The following PRKN variants were observed in gnomAD, a reference collection of about 807,000 sequenced individuals.
PRKN encodes the protein E3 ubiquitin-protein ligase parkin.
A neutral mutation model predicts 59.5 loss-of-function variants in PRKN; 56 were observed. The observed-to-expected ratio is 0.94, with a 90% CI of 0.76 to 1.18. The LOEUF (loss-of-function observed/expected upper bound fraction) is 1.18, where lower values mean the gene tolerates loss of function less well. Among genes scored for constraint, PRKN ranks in the 50% most tolerant of loss-of-function variants. PRKN has a pLI of 0.00. For missense variants in PRKN, 657 were observed against 596.4 expected (o/e 1.10, Z -1.06); for synonymous variants, 250 against 222.1 (o/e 1.13, Z -1.12).
chr6:162,219,797 T>C (rs897839623), intron 3 of PRKN, among the ~76,000 whole-genome samples: 2 of 152,118 alleles, frequency 1.3e-5, no homozygotes, highest in South Asian at 2.1e-4. Flanking sequence ...ATAGGGCTAA[T>C]AGTATTTGCC....
At chr6:161,798,602 A>G (rs1460311804) in intron 6 of PRKN, among the ~76,000 whole-genome samples, 5 of 152,232 alleles carry the variant, frequency 3.3e-5, no homozygotes, top group Non-Finnish European at 7.3e-5. Flanking sequence ...GAATTAATGC[A>G]TATGCTGCAA....
At chr6:161,849,811 C>T (rs567246782) in intron 6 of PRKN, among the ~76,000 whole-genome samples, 4 of 152,250 alleles carry the variant, frequency 2.6e-5, no homozygotes, top group South Asian at 2.1e-4. Flanking sequence ...AAATCTGAGG[C>T]GGGTGAGAGA....
At chr6:162,410,367 A>T (rs1212376289) in intron 2 of PRKN, among the ~76,000 whole-genome samples, 2 of 152,130 alleles carry the variant, frequency 1.3e-5, no homozygotes, top group Non-Finnish European at 2.9e-5. Flanking sequence ...CAGACCTAAA[A>T]GCATATCCAA....
intron 1 of PRKN, among the ~76,000 whole-genome samples, chr6:162,622,573 G>A (rs191808365): frequency 3.4e-4 from 52 of 152,136 alleles, no homozygotes; most frequent in African/African-American, 1.2e-3. Flanking sequence ...TTCTGGTATC[G>A]GTTGCCCTTT....
At chr6:161,858,477 CACTAGGCTTGGAGAA>C (rs1418328404) in intron 6 of PRKN, among the ~76,000 whole-genome samples, 2 of 152,238 alleles carry the variant, frequency 1.3e-5, no homozygotes. Context: ...CTGGACCTGC[CACTAGGCTTGGAGAA>C]GCTCTGATGT....
chr6:162,017,899 C>CGA (rs112082203), intron 5 of PRKN, among the ~76,000 whole-genome samples: 44,797 of 151,968 alleles, frequency 0.29, 6,986 homozygotes, highest in African/African-American at 0.4. Context: ...AAAGAAACCC[C>CGA]GAGAGAGCCT....
chr6:162,131,473 G>A (rs376157464), intron 4 of PRKN, among the ~76,000 whole-genome samples: 14 of 152,270 alleles, frequency 9.2e-5, no homozygotes, highest in African/African-American at 3.1e-4. Context: ...TTAGTAACTC[G>A]ATTTCCCCTA....
At chr6:162,450,341 G>A (rs1314601642) in intron 1 of PRKN, among the ~76,000 whole-genome samples, 8 of 93,054 alleles carry the variant, frequency 8.6e-5, no homozygotes, top group Admixed American at 2.2e-4. Flanking sequence ...CCCTGTGATT[G>A]TAATCCCCCT....
chr6:162,254,105 G>A (rs1299027033), intron 3 of PRKN, among the ~76,000 whole-genome samples: 3 of 152,134 alleles, frequency 2.0e-5, no homozygotes, highest in Non-Finnish European at 4.4e-5. Flanking sequence ...CTTTCTTCTT[G>A]CAGCTAAGGA....
intron 5 of PRKN, among the ~76,000 whole-genome samples, chr6:162,026,127 AG>A (rs1222241075): frequency 1.3e-5 from 2 of 151,280 alleles, no homozygotes; most frequent in Non-Finnish European, 3.0e-5. Context: ...TTCATTTCTT[AG>A]TTCTTTCAGT....
At chr6:162,380,478 T>G (rs1236291949) in intron 2 of PRKN, among the ~76,000 whole-genome samples, 3 of 38,320 alleles carry the variant, frequency 7.8e-5, no homozygotes, top group Non-Finnish European at 1.7e-4. Context: ...TGTGTGTATA[T>G]ATATGTATAT....
intron 1 of PRKN, among the ~76,000 whole-genome samples, chr6:162,602,935 T>C (rs575028645): frequency 6.6e-6 from 1 of 152,238 alleles, no homozygotes; most frequent in African/African-American, 2.4e-5. Flanking sequence ...ACTAAGTGTG[T>C]CACATCCTCT....
At chr6:162,681,851 G>A (rs540829394) in intron 1 of PRKN, among the ~76,000 whole-genome samples, 5 of 150,456 alleles carry the variant, frequency 3.3e-5, no homozygotes, top group East Asian at 2.0e-4. Flanking sequence ...ACTCCCACCC[G>A]CTCCCACCCT....
At chr6:161,838,313 G>A (rs1747211816) in intron 6 of PRKN, among the ~76,000 whole-genome samples, 2 of 152,174 alleles carry the variant, frequency 1.3e-5, no homozygotes, top group Admixed American at 1.3e-4. Context: ...AAAACTCAGT[G>A]TTACCCATAA....
chr6:162,650,693 T>C (rs1384412062), intron 1 of PRKN, among the ~76,000 whole-genome samples: 1 of 152,072 alleles, frequency 6.6e-6, no homozygotes, highest in Non-Finnish European at 1.5e-5. Context: ...CTAGGTATGA[T>C]CTCAAGAGTG....
intron 4 of PRKN, among the ~76,000 whole-genome samples, chr6:162,173,051 TG>T (rs1417309809): frequency 5.3e-5 from 8 of 152,214 alleles, no homozygotes; most frequent in Middle Eastern, 3.4e-3. Context: ...AAGGAGAAAC[TG>T]GGGGGCAGAG....
intron 7 of PRKN, among the ~76,000 whole-genome samples, chr6:161,737,320 TGAG>T (rs1788004249): frequency 6.6e-6 from 1 of 152,140 alleles, no homozygotes; most frequent in Admixed American, 6.5e-5. Flanking sequence ...GATGGAGCGA[TGAG>T]GACAGCGGGC....
At chr6:161,686,867 A>C (rs1785577453) in intron 7 of PRKN, among the ~76,000 whole-genome samples, 1 of 152,160 alleles carries the variant, frequency 6.6e-6, no homozygotes, top group Non-Finnish European at 1.5e-5. Flanking sequence ...CACTGCACAC[A>C]TCCCTACAGT....
chr6:162,422,869 C>T (rs1789044770), intron 2 of PRKN, among the ~76,000 whole-genome samples: 1 of 148,904 alleles, frequency 6.7e-6, no homozygotes, highest in South Asian at 2.2e-4. Context: ...TTTCTTGAAC[C>T]CGGGAGGCAG....
Sources: gnomAD v4.1 joint callset for allele counts (sites outside exome capture counted in the v4.1 genomes callset) on GRCh38, gnomAD v4.1.1 for gene constraint, MANE v1.5 for transcripts, NCBI Gene and HGNC (gene_info 2026-07-23, HGNC 2026-07-21) for gene names.